Variants in DACH2 observed in about 807,000 individuals in gnomAD.
DACH2 encodes the protein dachshund family transcription factor 2.
DACH2 carries 17 observed loss-of-function variants against 35.8 expected under a neutral mutation model. The observed-to-expected ratio is 0.48, with a 90% CI of 0.33 to 0.71. DACH2 has a LOEUF of 0.71. Among genes scored for constraint, DACH2 ranks in the 30% least tolerant of loss-of-function variants. The pLI is 0.02. For missense variants in DACH2, 469 were observed against 472.7 expected (o/e 0.99, Z 0.07); for synonymous variants, 195 against 177.3 (o/e 1.10, Z -0.79).
chrX:86,665,784 AAC>A (rs2040661183), intron 4 of DACH2, among the ~76,000 whole-genome samples: 1 of 111,052 alleles, frequency 9.0e-6, no homozygotes, highest in African/African-American at 3.3e-5. Context: ...TAAAAAAAAA[AAC>A]CTACAAATCT....
At chrX:86,525,189 A>G (rs2038613569) in intron 3 of DACH2, among the ~76,000 whole-genome samples, 1 of 111,287 alleles carries the variant, frequency 9.0e-6, no homozygotes, top group Non-Finnish European at 1.9e-5. Context: ...TATCTCTGAA[A>G]AAAACAAACA....
At chrX:86,254,807 T>TATATATATAGAGAGAGAGAGAG (rs1380613474) in intron 1 of DACH2, among the ~76,000 whole-genome samples, 1 of 49,658 alleles carries the variant, frequency 2.0e-5, no homozygotes, top group African/African-American at 1.2e-4. Flanking sequence ...TATATATATA[T>TATATATATAGAGAGAGAGAGAG]AGAGAGAGAG....
At position 86,179,598 on chromosome X, in the gene DACH2, T is replaced by C. The variant is rs1412766622; in HGVS notation, c.488+30490T>C. Among the ~76,000 whole-genome samples, 5 of 112,135 alleles carry C rather than the reference T, an allele frequency of 4.5e-5. No individual in the cohort carries two copies. In the East Asian group the frequency reaches 1.4e-3, roughly 32 times the overall value. On this transcript the variant is annotated intron_variant, in intron 1 of 11. Transcript: ENST00000373125. Reference sequence around the variant, plus strand: ...ACATGTCATCTATTGGCAGGAAATATAATTCCTTATCTCTGATGACAAGTT... The same window carrying C: ...ACATGTCATCTATTGGCAGGAAATACAATTCCTTATCTCTGATGACAAGTT...
chrX:86,356,939 T>A (rs756455333), intron 1 of DACH2, among the ~76,000 whole-genome samples: 66 of 111,061 alleles, frequency 5.9e-4, no homozygotes, highest in African/African-American at 2.0e-3. Flanking sequence ...AGTATGTAGG[T>A]TTTTATCCCT....
chrX:86,604,192 TTA>T (rs1369504553), intron 3 of DACH2, among the ~76,000 whole-genome samples: 4 of 111,539 alleles, frequency 3.6e-5, no homozygotes, highest in Non-Finnish European at 7.6e-5. Flanking sequence ...ATCACTGATG[TTA>T]TGTTTACTTG....
At chrX:86,577,568 T>C (rs1299707276) in intron 3 of DACH2, among the ~76,000 whole-genome samples, 4 of 111,761 alleles carry the variant, frequency 3.6e-5, no homozygotes, top group Non-Finnish European at 5.6e-5. Context: ...AAATATTTGT[T>C]TGGTCTTTAA....
At chrX:86,457,327 C>T (rs946544932) in intron 2 of DACH2, among the ~76,000 whole-genome samples, 6 of 111,631 alleles carry the variant, frequency 5.4e-5, no homozygotes, top group Non-Finnish European at 1.1e-4. Flanking sequence ...CTCAGGGAGA[C>T]CAAGAGAAAG....
intron 1 of DACH2, among the ~76,000 whole-genome samples, chrX:86,371,252 T>G (rs929735586): frequency 7.2e-5 from 8 of 110,978 alleles, no homozygotes; most frequent in African/African-American, 2.3e-4. Flanking sequence ...TAGGCCCATT[T>G]ATCTTCACCA....
intron 1 of DACH2, among the ~76,000 whole-genome samples, chrX:86,327,956 G>T (rs1468397868): frequency 9.0e-6 from 1 of 111,396 alleles, no homozygotes; most frequent in Non-Finnish European, 1.9e-5. Flanking sequence ...TTCTGCATTT[G>T]TGTATTTCTC....
intron 2 of DACH2, among the ~76,000 whole-genome samples, chrX:86,411,184 A>C (rs1417161225): frequency 6.6e-5 from 7 of 105,819 alleles, no homozygotes; most frequent in Non-Finnish European, 1.2e-4. Flanking sequence ...GAGGGCAGGA[A>C]GGATGCAGCA....
intron 1 of DACH2, among the ~76,000 whole-genome samples, chrX:86,277,145 A>G (rs894627337): frequency 3.6e-5 from 4 of 111,412 alleles, no homozygotes; most frequent in South Asian, 3.8e-4. Flanking sequence ...AACAATATTG[A>G]TTCTTCTAAT....
chrX:86,231,283 C>T (rs1409340455), intron 1 of DACH2, among the ~76,000 whole-genome samples: 1 of 112,492 alleles, frequency 8.9e-6, no homozygotes, highest in Non-Finnish European at 1.9e-5. Flanking sequence ...TTCCAAAAAG[C>T]ATCAGCTGTA....
At chrX:86,317,264 T>C (rs1242642494) in intron 1 of DACH2, among the ~76,000 whole-genome samples, 4 of 111,551 alleles carry the variant, frequency 3.6e-5, no homozygotes, top group Non-Finnish European at 7.5e-5. Flanking sequence ...TGTAAGTGGG[T>C]GTATGGGGCT....
intron 7 of DACH2, among the ~76,000 whole-genome samples, chrX:86,798,432 G>T (rs2042259874): frequency 8.9e-6 from 1 of 112,684 alleles, no homozygotes; most frequent in Non-Finnish European, 1.9e-5. Context: ...TAATGTTTAA[G>T]AACAAAATGT....
intron 1 of DACH2, among the ~76,000 whole-genome samples, chrX:86,153,062 A>G (rs1015341353): frequency 5.4e-5 from 6 of 111,837 alleles, no homozygotes; most frequent in South Asian, 3.6e-4. Flanking sequence ...CCTACCTATC[A>G]ACATAAAAGT....
chrX:86,631,021 T>A (rs1308987036), intron 3 of DACH2, among the ~76,000 whole-genome samples: 1 of 112,128 alleles, frequency 8.9e-6, no homozygotes, highest in Non-Finnish European at 1.9e-5. Flanking sequence ...AGTGCTCACA[T>A]CACATTCACT....
chrX:86,654,485 A>C (rs2040519192), intron 4 of DACH2, among the ~76,000 whole-genome samples: 1 of 110,872 alleles, frequency 9.0e-6, no homozygotes, highest in African/African-American at 3.3e-5. Flanking sequence ...GTGAAATATA[A>C]GATGAGAATT....
chrX:86,419,137 C>T (rs1250700007), intron 2 of DACH2, among the ~76,000 whole-genome samples: 2 of 111,778 alleles, frequency 1.8e-5, no homozygotes, highest in Non-Finnish European at 3.8e-5. Flanking sequence ...CTAGGAAGTT[C>T]CAAACTTTCC....
intron 3 of DACH2, among the ~76,000 whole-genome samples, chrX:86,553,321 T>G (rs1206880083): frequency 9.0e-6 from 1 of 111,503 alleles, no homozygotes; most frequent in East Asian, 2.8e-4. Context: ...ACTCAGCAAG[T>G]CTGCTTCTTC....
Sources: allele counts gnomAD v4.1 joint callset (sites outside exome capture counted in the v4.1 genomes callset), GRCh38; gene constraint gnomAD v4.1.1; transcripts MANE v1.5; gene names NCBI Gene and HGNC (gene_info 2026-07-23, HGNC 2026-07-21).